CACNA1C: variants seen among roughly 807,000 people sequenced by gnomAD.
CACNA1C encodes the protein voltage-dependent L-type calcium channel subunit alpha-1C.
Under a neutral mutation model 229.0 loss-of-function variants are expected in CACNA1C, and 30 were observed. The ratio of observed to expected loss-of-function variants is 0.13; its 90% CI spans 0.10 to 0.18. The LOEUF (loss-of-function observed/expected upper bound fraction) is 0.18. Ranked by LOEUF, CACNA1C falls within the 10% of genes least tolerant of loss-of-function variation. The pLI, the probability that CACNA1C is intolerant of heterozygous loss-of-function variation, is 1.00. For synonymous variants in CACNA1C, 1,114 were observed against 1,132.5 expected (o/e 0.98, Z 0.33); for missense variants, 1,658 against 2,845.0 (o/e 0.58, Z 9.49).
At chr12:2,002,177 A>C (rs2042322429) in intron 1 of CACNA1C, among the ~76,000 whole-genome samples, 1 of 152,162 alleles carries the variant, frequency 6.6e-6, no homozygotes, top group African/African-American at 2.4e-5. Context: ...ATCCATTTTC[A>C]GGGCAATAAG....
At chr12:2,344,250 G>A (rs1567154511) in intron 3 of CACNA1C, among the ~76,000 whole-genome samples, 1 of 152,200 alleles carries the variant, frequency 6.6e-6, no homozygotes, top group Non-Finnish European at 1.5e-5. Flanking sequence ...GGTAATAGAA[G>A]TTGTGGATAA....
At chr12:2,668,226 C>A (rs987061894) in intron 37 of CACNA1C, among the ~76,000 whole-genome samples, 26 of 152,198 alleles carry the variant, frequency 1.7e-4, no homozygotes, top group African/African-American at 5.8e-4. Flanking sequence ...CACCTGCACG[C>A]CTGAGCAGAC....
At position 2,285,831 on chromosome 12, in the gene CACNA1C, C is replaced by T. The variant is rs760099760; in HGVS notation, c.478-163145C>T. Among the ~76,000 whole-genome samples the T allele has an allele frequency of 9.9e-5, 15 of 152,096 alleles. No individual in the cohort carries two copies. The highest frequency in any genetic ancestry group is 1.9e-4 in the Non-Finnish European group (13 of 68,018). ...AAGGGAGTGTTTTATTAGGAATTTA[C>T]GTTATATGTGCAAGGAATACCACAT... On this transcript the variant is annotated intron_variant, in intron 3 of 46. Coordinates refer to ENST00000399655, the MANE Select transcript of CACNA1C (RefSeq NM_000719.7). The surrounding 1 kb of genome is among the most constrained non-coding windows in gnomAD (Gnocchi z 4.2).
chr12:2,009,837 C>A (rs1253275621), intron 1 of CACNA1C, among the ~76,000 whole-genome samples: 3 of 152,216 alleles, frequency 2.0e-5, no homozygotes, highest in Non-Finnish European at 2.9e-5. Flanking sequence ...TCACCTCTTT[C>A]TATCTACGTG....
intron 11 of CACNA1C, among the ~76,000 whole-genome samples, chr12:2,563,930 C>A (rs1175856246): frequency 6.6e-6 from 1 of 152,218 alleles, no homozygotes. Flanking sequence ...ATTCACAGAC[C>A]AGTGAGTTCA....
At chr12:2,373,214 A>G (rs2097918289) in intron 3 of CACNA1C, among the ~76,000 whole-genome samples, 1 of 152,140 alleles carries the variant, frequency 6.6e-6, no homozygotes, top group Non-Finnish European at 1.5e-5. Flanking sequence ...TATGTTTTCT[A>G]CTTATATTAC....
chr12:2,515,006 G>T (rs905460219), intron 9 of CACNA1C, among the ~76,000 whole-genome samples: 4 of 152,204 alleles, frequency 2.6e-5, no homozygotes, highest in Non-Finnish European at 4.4e-5. Flanking sequence ...ATTTTCCTAA[G>T]CCTAGATAAG....
chr12:2,117,405 G>C (rs1469631837), intron 2 of CACNA1C, among the ~76,000 whole-genome samples: 8 of 152,266 alleles, frequency 5.3e-5, no homozygotes, highest in Admixed American at 1.3e-4. Context: ...TACTGGATGG[G>C]AGACTAGGCT....
At chr12:1,990,781 C>T (rs185470210) in intron 1 of CACNA1C, among the ~76,000 whole-genome samples, 237 of 152,224 alleles carry the variant, frequency 1.6e-3, no homozygotes, top group African/African-American at 5.3e-3. Flanking sequence ...CTATATGCCA[C>T]CAAAGAACAT....
intron 10 of CACNA1C, among the ~76,000 whole-genome samples, chr12:2,554,078 A>G (rs1377814762): frequency 1.3e-5 from 2 of 152,190 alleles, no homozygotes; most frequent in Non-Finnish European, 1.5e-5. Context: ...GGTAGTAAAC[A>G]TATGGCACTC....
chr12:2,136,775 A>G (rs1253789114), intron 3 of CACNA1C, among the ~76,000 whole-genome samples: 1 of 151,344 alleles, frequency 6.6e-6, no homozygotes, highest in Non-Finnish European at 1.5e-5. Flanking sequence ...CTTTGAGGCC[A>G]TATTTTCCCA....
chr12:1,995,204 C>G (rs1317286134), intron 1 of CACNA1C, among the ~76,000 whole-genome samples: 6 of 150,602 alleles, frequency 4.0e-5, no homozygotes. Context: ...TGATTTGTTC[C>G]TCTTCCATAG....
intron 31 of CACNA1C, among the ~76,000 whole-genome samples, chr12:2,648,711 C>T (rs563636120): frequency 1.3e-5 from 2 of 152,286 alleles, no homozygotes; most frequent in East Asian, 3.9e-4. Context: ...TGGTGTTTTA[C>T]CCCTGAGCTT....
At chr12:1,991,393 T>A in intron 1 of CACNA1C, 1 of 278,140 alleles carries the variant, frequency 3.6e-6, no homozygotes, top group East Asian at 8.7e-5. Context: ...AATAGAAATA[T>A]GAGGGGAACC....
chr12:2,445,588 C>A (rs1358235808), intron 3 of CACNA1C, among the ~76,000 whole-genome samples: 5 of 152,128 alleles, frequency 3.3e-5, no homozygotes, highest in African/African-American at 1.2e-4. Flanking sequence ...TCACATCCCC[C>A]AACCCTTCCA....
rs998471417 is a variant in CACNA1C at position 2,678,364 on chromosome 12, TCTCCAAGACCCCTCCAGAA to T, written c.5091+502_5091+520del. 1.3e-5 allele frequency among the ~76,000 whole-genome samples: 2 copies of T among 152,062 alleles called. No homozygotes were observed. The highest frequency in any genetic ancestry group is 4.8e-5 in the African/African-American group (2 of 41,410). On this transcript the variant is annotated intron_variant, in intron 41 of 46. Coordinates refer to ENST00000399655, the MANE Select transcript of CACNA1C (RefSeq NM_000719.7). This position sits in a 1 kb window ranked among gnomAD's most constrained non-coding sequence, Gnocchi z 4.1. ...TGGAGCATAGCGTGTGTTCTCCAGG[TCTCCAAGACCCCTCCAGAA>T]CTCCCCTTTCCCTCTCCTTTCCTGG...
At chr12:2,611,819 C>G in intron 28 of CACNA1C, 84 bp from the exon 29 acceptor site, 6 of 818,880 alleles carry the variant, frequency 7.3e-6, no homozygotes, top group Non-Finnish European at 1.2e-5. Flanking sequence ...GAGGCGAGGG[C>G]CTTCGAGAAG....
At chr12:2,456,620 C>T (rs2099426505) in intron 4 of CACNA1C, among the ~76,000 whole-genome samples, 1 of 152,198 alleles carries the variant, frequency 6.6e-6, no homozygotes, top group South Asian at 2.1e-4. Context: ...GAACAGTCTC[C>T]AGATAGTGAA....
chr12:2,060,056 T>A (rs2056869490), intron 1 of CACNA1C, among the ~76,000 whole-genome samples: 1 of 152,182 alleles, frequency 6.6e-6, no homozygotes, highest in African/African-American at 2.4e-5. Context: ...GGCTACAGAG[T>A]AGAAGTTCAT....
Sources: gnomAD v4.1 joint callset for allele counts (sites outside exome capture counted in the v4.1 genomes callset) on GRCh38, gnomAD v4.1.1 for gene constraint, Gnocchi (gnomAD v3.1) non-coding constraint, MANE v1.5 for transcripts, NCBI Gene and HGNC (gene_info 2026-07-23, HGNC 2026-07-21) for gene names.